CLYBL: variants seen among roughly 807,000 people sequenced by gnomAD.
CLYBL encodes the protein citramalyl-CoA lyase, mitochondrial.
Under a neutral mutation model 38.9 loss-of-function variants are expected in CLYBL, and 31 were observed. That is an observed-to-expected ratio of 0.80 (90% CI 0.60 to 1.08). The LOEUF is 1.08. Ranked by LOEUF, CLYBL falls within the 50% of genes least tolerant of loss-of-function variation. The pLI, the probability that CLYBL is intolerant of heterozygous loss-of-function variation, is 0.00. For missense variants in CLYBL, 434 were observed against 411.6 expected, an observed-to-expected ratio of 1.05 and a Z score of -0.47; for synonymous variants, 171 against 158.6, an observed-to-expected ratio of 1.08 and a Z score of -0.59.
At chr13:99,661,598 T>C (rs2047410468) in intron 1 of CLYBL, among the ~76,000 whole-genome samples, 1 of 152,222 alleles carries the variant, frequency 6.6e-6, no homozygotes, top group African/African-American at 2.4e-5. Context: ...GAAGATGATA[T>C]AATCAGAGTA....
At chr13:99,846,780 T>A (rs2051215941) in intron 2 of CLYBL, among the ~76,000 whole-genome samples, 1 of 152,212 alleles carries the variant, frequency 6.6e-6, no homozygotes, top group Non-Finnish European at 1.5e-5. Flanking sequence ...GAGACAAGAT[T>A]CTTTATGTCA....
At chr13:99,608,089 G>T (rs1259942727) in intron 1 of CLYBL, among the ~76,000 whole-genome samples, 2 of 106,798 alleles carry the variant, frequency 1.9e-5, no homozygotes, top group African/African-American at 8.3e-5. Context: ...TTTTTTTTCC[G>T]AGATGGAGTT....
At chr13:99,747,368 C>T (rs2048871651) in intron 1 of CLYBL, among the ~76,000 whole-genome samples, 1 of 151,800 alleles carries the variant, frequency 6.6e-6, no homozygotes, top group African/African-American at 2.4e-5. Context: ...CCCTCTCCCC[C>T]GCCTTCCTCT....
chr13:99,756,081 T>C lies in CLYBL; in HGVS notation c.63-16743T>C, dbSNP rs11616546. ...ATACCAGAATCTAGCATGAAGCTCC[T>C]AGTTCAGCAGGGACTTCCTGGTGTT... On this transcript the variant is annotated intron_variant, in intron 1 of 8. Transcript: ENST00000339105. 5.4e-3 allele frequency among the ~76,000 whole-genome samples: 820 copies of C among 152,344 alleles called. 3 individuals carry two copies. The highest frequency in any genetic ancestry group is 8.5e-3 in the Non-Finnish European group (579 of 68,036).
At chr13:99,658,726 T>TA (rs58448505) in intron 1 of CLYBL, among the ~76,000 whole-genome samples, 29,440 of 151,624 alleles carry the variant, frequency 0.19, 4,120 homozygotes, top group African/African-American at 0.4. Context: ...TAAAGAAAAG[T>TA]AAAAAAAATC....
intron 2 of CLYBL, among the ~76,000 whole-genome samples, chr13:99,781,155 ATTATTTATTT>A (rs2049640955): frequency 6.8e-6 from 1 of 147,868 alleles, no homozygotes; most frequent in African/African-American, 2.5e-5. Context: ...TAAATTTTTT[ATTATTTATTT>A]TTATTTATTT....
chr13:99,739,520 G>A (rs1466842328), intron 1 of CLYBL, among the ~76,000 whole-genome samples: 1 of 152,210 alleles, frequency 6.6e-6, no homozygotes, highest in Admixed American at 6.5e-5. Context: ...CAGCTGCTGA[G>A]GGGTCCCTGT....
intron 1 of CLYBL, among the ~76,000 whole-genome samples, chr13:99,675,441 C>T (rs1411966219): frequency 6.6e-6 from 1 of 152,174 alleles, no homozygotes; most frequent in East Asian, 1.9e-4. Flanking sequence ...CAGTGTTATG[C>T]AACCATCACC....
At chr13:99,691,476 C>T (rs746990552) in intron 1 of CLYBL, among the ~76,000 whole-genome samples, 3 of 151,896 alleles carry the variant, frequency 2.0e-5, no homozygotes, top group African/African-American at 7.3e-5. Context: ...CAGGGAACGA[C>T]GTTTAAAAAC....
At position 99,906,921 on chromosome 13, in the gene CLYBL, T is replaced by C. The variant is rs1334942836; in HGVS notation, c.*161-1134T>C. On this transcript the variant is annotated intron_variant and NMD_transcript_variant, in intron 9 of 9. Transcript: ENST00000689673. ...GTGCATCTGCAGACTTACTGTTTTC[T>C]TTGACCCTTTGCGTCTACATCTGGG... Among the ~76,000 whole-genome samples the C allele has an allele frequency of 3.9e-5, 6 of 152,250 alleles. No individual in the cohort carries two copies. In the East Asian group the frequency reaches 1.2e-3, roughly 29 times the overall value.
In CLYBL at chr13:99,664,246, A is replaced by C. The variant is rs4772228; in HGVS notation, c.62+57489A>C. 4.5e-3 allele frequency among the ~76,000 whole-genome samples: 686 copies of C among 152,376 alleles called. 11 individuals are homozygous for C. Among genetic ancestry groups the C allele is most frequent in the African/African-American group, 0.015 (643 of 41,590 alleles). On this transcript the variant is annotated intron_variant, in intron 1 of 8. Coordinates refer to ENST00000339105, the MANE Select transcript of CLYBL (RefSeq NM_206808.5). ...ATTCTGAACTGGCTACAGCAACTTT[A>C]AGGAAAATAAAGGTTACAAAAAAAG...
chr13:99,641,532 G>T (rs2047093965), intron 1 of CLYBL, among the ~76,000 whole-genome samples: 5 of 151,852 alleles, frequency 3.3e-5, no homozygotes, highest in Admixed American at 3.3e-4. Context: ...AGCCGGGCAC[G>T]GTGGCAGGCA....
chr13:99,909,324 T>C (rs2052727516), exon 10 of CLYBL, among the ~76,000 whole-genome samples: 1 of 152,246 alleles, frequency 6.6e-6, no homozygotes, highest in Non-Finnish European at 1.5e-5. Context: ...GTGATATTAC[T>C]GGAACTCATC....
At chr13:99,908,791 G>A (rs924214215) in exon 10 of CLYBL, among the ~76,000 whole-genome samples, 1 of 152,168 alleles carries the variant, frequency 6.6e-6, no homozygotes, top group Non-Finnish European at 1.5e-5. Context: ...GGTCTACTTT[G>A]CTCGTTCCTG....
At chr13:99,672,025 C>T (rs2047572905) in intron 1 of CLYBL, among the ~76,000 whole-genome samples, 1 of 152,094 alleles carries the variant, frequency 6.6e-6, no homozygotes, top group Admixed American at 6.6e-5. Flanking sequence ...CTGGGTGATT[C>T]TTGAGTGATG....
At chr13:99,769,573 T>C (rs986536397) in intron 1 of CLYBL, among the ~76,000 whole-genome samples, 8 of 152,264 alleles carry the variant, frequency 5.3e-5, no homozygotes, top group Non-Finnish European at 8.8e-5. Flanking sequence ...TACATCATTA[T>C]GTTTTTTCCC....
chr13:99,683,868 T>TA (rs201153806), intron 1 of CLYBL, among the ~76,000 whole-genome samples: 1 of 149,934 alleles, frequency 6.7e-6, no homozygotes. Flanking sequence ...TATATATATA[T>TA]AAAATTTTTT....
intron 8 of CLYBL, among the ~76,000 whole-genome samples, chr13:99,903,517 C>A (rs1007077921): frequency 6.6e-6 from 1 of 152,150 alleles, no homozygotes; most frequent in African/African-American, 2.4e-5. Flanking sequence ...GTAAACATTT[C>A]TTTTTGATCC....
At chr13:99,791,225 A>G (rs2049909466) in intron 2 of CLYBL, among the ~76,000 whole-genome samples, 2 of 152,126 alleles carry the variant, frequency 1.3e-5, no homozygotes. Flanking sequence ...TAATCTCATG[A>G]GCCTCTGTTT....
Sources: allele counts gnomAD v4.1 joint callset (sites outside exome capture counted in the v4.1 genomes callset), GRCh38; gene constraint gnomAD v4.1.1; transcripts MANE v1.5; gene names NCBI Gene and HGNC (gene_info 2026-07-23, HGNC 2026-07-21).